EGF: variants seen among roughly 807,000 people sequenced by gnomAD.
EGF encodes the protein pro-epidermal growth factor.
Under a neutral mutation model 143.8 loss-of-function variants are expected in EGF, and 95 were observed. The observed-to-expected ratio is 0.66, with a 90% CI of 0.56 to 0.78. The LOEUF (loss-of-function observed/expected upper bound fraction) is 0.78, where lower values mean the gene tolerates loss of function less well. Ranked by LOEUF, EGF falls within the 30% of genes least tolerant of loss-of-function variation. EGF has a pLI of 0.00. For missense variants in EGF, 1,320 were observed against 1,470.9 expected, an observed-to-expected ratio of 0.90 and a Z score of 1.68; for synonymous variants, 510 against 510.5, an observed-to-expected ratio of 1.00 and a Z score of 0.01.
At position 109,980,095 on chromosome 4, in the gene EGF, T is replaced by C. The variant is rs892960409; in HGVS notation, c.2177T>C (p.Leu726Pro). 3.7e-6 allele frequency: 6 copies of C among 1,613,454 alleles called. No homozygotes were observed. In the African/African-American group the frequency reaches 4.0e-5, roughly 11 times the overall value. The change falls in exon 14 of 24, where the codon CTG becomes CCG. Residue 726 changes from leucine to proline, a missense_variant. Around this residue, in one of 5 missense-constraint regions of EGF, gnomAD observed 1,186 missense variants for 1,313.7 expected, o/e 0.90. Transcript: ENST00000265171. ...AGAGTACGTCTCCAAGGCAGCATGC[T>C]GAAGCCCTCATCACTGGTTGTGGTT... ...KDRVRLQGSM[L>P]KPSSLVVVHP...
chr4:109,980,285 A>C, intron 14 of EGF, 146 bp downstream of exon 14: 1 of 880,416 alleles, frequency 1.1e-6, no homozygotes, highest in South Asian at 2.4e-5. Context: ...CTAAGATTTA[A>C]GTTTGTTTAA....
intron 11 of EGF, 69 bp downstream of exon 11, chr4:109,969,188 C>T (rs1467816776): frequency 1.2e-6 from 2 of 1,600,360 alleles, no homozygotes; most frequent in Non-Finnish European, 1.7e-6. Context: ...CTATTGGCTT[C>T]ATCTTCCACT....
chr4:109,937,728 C>A (rs1741105350), intron 1 of EGF, among the ~76,000 whole-genome samples: 1 of 152,142 alleles, frequency 6.6e-6, no homozygotes, highest in Non-Finnish European at 1.5e-5. Context: ...AATCTCTCAG[C>A]ATTTGCTTGT....
chr4:109,976,335 T>C, intron 13 of EGF, 100 bp downstream of exon 13: 1 of 1,019,850 alleles, frequency 9.8e-7, no homozygotes, highest in South Asian at 1.4e-5. Flanking sequence ...CTTAGCCGTA[T>C]GGGTGAATAT....
intron 12 of EGF, among the ~76,000 whole-genome samples, chr4:109,975,735 A>C (rs1307653007): frequency 6.6e-6 from 1 of 152,232 alleles, no homozygotes; most frequent in African/African-American, 2.4e-5. Context: ...CTATTTTATT[A>C]GTCATATATT....
chr4:109,970,901 A>AT (rs1303276373), intron 11 of EGF, among the ~76,000 whole-genome samples: 23 of 151,128 alleles, frequency 1.5e-4, no homozygotes, highest in African/African-American at 4.6e-4. Context: ...TAGTATGGCC[A>AT]TTTTACATCC....
At chr4:109,995,608 A>T (rs1362155303) in intron 20 of EGF, among the ~76,000 whole-genome samples, 1 of 152,132 alleles carries the variant, frequency 6.6e-6, no homozygotes, top group Non-Finnish European at 1.5e-5. Flanking sequence ...TTCTGCCTCA[A>T]ATTTTACTTT....
intron 15 of EGF, among the ~76,000 whole-genome samples, chr4:109,982,286 G>A (rs1472359596): frequency 6.6e-6 from 1 of 151,536 alleles, no homozygotes; most frequent in Non-Finnish European, 1.5e-5. Flanking sequence ...TGGGATTATA[G>A]GTGTAAGCTA....
chr4:109,975,131 A>G (rs1177163993), intron 12 of EGF, among the ~76,000 whole-genome samples: 1 of 152,230 alleles, frequency 6.6e-6, no homozygotes, highest in Non-Finnish European at 1.5e-5. Context: ...TATTTGGATT[A>G]TATGACTTAT....
At chr4:109,943,116 T>G in intron 2 of EGF, 138 bp from the exon 3 acceptor site, 1 of 592,868 alleles carries the variant, frequency 1.7e-6, no homozygotes, top group South Asian at 2.9e-5. Flanking sequence ...CTGTGACTAT[T>G]TTATTATTTA....
intron 21 of EGF, 22 bp from the exon 22 acceptor site, chr4:110,004,483 T>C (rs1299025414): frequency 1.2e-6 from 2 of 1,608,626 alleles, no homozygotes; most frequent in Non-Finnish European, 1.7e-6. Flanking sequence ...TGAGATTGTC[T>C]CAAATTTTGG....
intron 11 of EGF, among the ~76,000 whole-genome samples, chr4:109,970,616 G>A (rs1053373297): frequency 1.3e-5 from 2 of 151,972 alleles, no homozygotes; most frequent in East Asian, 3.9e-4. Context: ...CACAAGGTCA[G>A]GAGATCGAGA....
intron 22 of EGF, among the ~76,000 whole-genome samples, chr4:110,006,605 C>T (rs1277760846): frequency 6.6e-6 from 1 of 152,208 alleles, no homozygotes; most frequent in Non-Finnish European, 1.5e-5. Flanking sequence ...CCAGATGTCA[C>T]TTGTCAGTCT....
chr4:109,961,810 A>T, intron 7 of EGF, 53 bp from the exon 8 acceptor site: 3 of 1,608,980 alleles, frequency 1.9e-6, no homozygotes, highest in Non-Finnish European at 2.5e-6. Context: ...ATTGCAATAA[A>T]TTTTTGCAAA....
chr4:109,996,480 A>C (rs1751808647), intron 20 of EGF, among the ~76,000 whole-genome samples: 1 of 152,220 alleles, frequency 6.6e-6, no homozygotes, highest in Non-Finnish European at 1.5e-5. Flanking sequence ...ATTTAATAAA[A>C]ATGTGGTTTA....
intron 1 of EGF, among the ~76,000 whole-genome samples, chr4:109,934,384 C>T (rs1472630631): frequency 6.6e-6 from 1 of 152,164 alleles, no homozygotes; most frequent in African/African-American, 2.4e-5. Flanking sequence ...TGTTCATATC[C>T]TTCGTCCACT....
chr4:109,948,502 GT>G (rs1276737911), intron 5 of EGF, among the ~76,000 whole-genome samples: 3 of 151,772 alleles, frequency 2.0e-5, no homozygotes, highest in Middle Eastern at 3.2e-3. Flanking sequence ...TTTTGGGGGG[GT>G]GGATGAAGTC....
intron 20 of EGF, among the ~76,000 whole-genome samples, chr4:109,995,503 G>A (rs899860754): frequency 1.3e-5 from 2 of 152,186 alleles, no homozygotes; most frequent in Non-Finnish European, 2.9e-5. Flanking sequence ...AAGGAGATTT[G>A]AGGAAGCCCT....
intron 18 of EGF, among the ~76,000 whole-genome samples, chr4:109,989,840 C>T (rs1317888420): frequency 6.6e-6 from 1 of 152,170 alleles, no homozygotes; most frequent in Non-Finnish European, 1.5e-5. Flanking sequence ...TGTGCTCACC[C>T]TGCCTGCATG....
Sources: allele counts gnomAD v4.1 joint callset (sites outside exome capture counted in the v4.1 genomes callset), GRCh38; gene constraint gnomAD v4.1.1; regional missense constraint gnomAD v4.1.1; transcripts MANE v1.5; gene names NCBI Gene and HGNC (gene_info 2026-07-23, HGNC 2026-07-21).